GPHN: variants seen among roughly 807,000 people sequenced by gnomAD.
GPHN encodes the protein gephyrin.
Under a neutral mutation model 95.5 loss-of-function variants are expected in GPHN, and 17 were observed. The observed-to-expected ratio is 0.18, with a 90% CI of 0.12 to 0.27. GPHN has a LOEUF of 0.27. Among genes scored for constraint, GPHN ranks in the 10% least tolerant of loss-of-function variants. The pLI is 1.00. For missense variants in GPHN, 660 were observed against 978.1 expected, an observed-to-expected ratio of 0.67 and a Z score of 4.34; for synonymous variants, 320 against 322.5, an observed-to-expected ratio of 0.99 and a Z score of 0.08.
At chr14:66,711,816 C>T (rs970390475) in intron 2 of GPHN, among the ~76,000 whole-genome samples, 2 of 151,912 alleles carry the variant, frequency 1.3e-5, no homozygotes, top group African/African-American at 2.4e-5. Context: ...GTTCAATTCC[C>T]ACCTATCAGT....
rs954849993 is a variant in GPHN at position 66,773,385 on chromosome 14, G to A, written c.144-3079G>A. The stretch of plus-strand genomic sequence containing the variant: ...TTTTTTTTTTTTGAGACGGAGCCTC[G>A]CTCTATTGCTCAGGCTGGGTTTCAA... On this transcript the variant is annotated intron_variant, in intron 2 of 22. Transcript: ENST00000478722. Among the ~76,000 whole-genome samples the A allele has an allele frequency of 5.2e-5, 7 of 134,396 alleles. No individual in the cohort carries two copies. In the South Asian group the frequency reaches 9.4e-4, roughly 18 times the overall value. 88.2% of individuals were successfully genotyped at this position (134,396 alleles called of 152,430 possible). A position where few individuals can be genotyped will look rare whatever the true frequency, so the allele number is the denominator to read the frequency against.
At chr14:67,238,766 C>T in the GPHN span, among the ~76,000 whole-genome samples, 3 of 152,078 alleles carry the variant, frequency 2.0e-5, no homozygotes, top group Non-Finnish European at 4.4e-5. Context: ...GCCTCAGCCT[C>T]CCAAGTAGCT....
the GPHN span, chr14:67,294,709 GT>G: frequency 2.0e-5 from 3 of 150,752 alleles, no homozygotes; most frequent in Admixed American, 1.3e-4. Context: ...GTCTTGCACT[GT>G]TGCCCAGGCT....
intron 9 of GPHN, among the ~76,000 whole-genome samples, chr14:66,977,889 A>G (rs1035600524): frequency 6.6e-6 from 1 of 152,182 alleles, no homozygotes; most frequent in South Asian, 2.1e-4. Context: ...AATAAAGCCA[A>G]CTAGAGTTAT....
intron 9 of GPHN, among the ~76,000 whole-genome samples, chr14:67,005,980 G>A (rs1416497066): frequency 6.6e-6 from 1 of 150,846 alleles, no homozygotes; most frequent in Non-Finnish European, 1.5e-5. Flanking sequence ...ATTTTAAGAG[G>A]AAAAAAAGAA....
intron 8 of GPHN, among the ~76,000 whole-genome samples, chr14:66,936,194 C>T (rs560298880): frequency 6.6e-6 from 1 of 152,174 alleles, no homozygotes; most frequent in Admixed American, 6.5e-5. Context: ...GCCTAGCCAA[C>T]ATAGTGAAAT....
At chr14:67,592,269 T>C in the GPHN span, 1 of 400,190 alleles carries the variant, frequency 2.5e-6, no homozygotes, top group Non-Finnish European at 4.8e-6. Flanking sequence ...ACCTCATCTC[T>C]ACTAAAAATA....
rs569577475 is a variant in GPHN, at chr14:66,678,195, A to G, written c.65-2912A>G. ...AATAAGTTTTCTATGCCTTTTCTAC[A>G]CTCATTTCCTTCTATAATTCACAAA... On this transcript the variant is annotated intron_variant, in intron 1 of 22. Coordinates refer to ENST00000478722, the MANE Select transcript of GPHN (RefSeq NM_020806.5). Among the ~76,000 whole-genome samples the G allele has an allele frequency of 4.6e-4, 70 of 152,094 alleles. 1 individual carries two copies. The South Asian group carries it at 0.014, about 30-fold the overall frequency.
chr14:67,348,671 GC>G, the GPHN span, among the ~76,000 whole-genome samples: 6 of 150,838 alleles, frequency 4.0e-5, no homozygotes, highest in African/African-American at 1.5e-4. Context: ...ACAGGCGCGT[GC>G]CACCAAACCT....
At chr14:66,699,581 G>A (rs1420154949) in intron 2 of GPHN, among the ~76,000 whole-genome samples, 1 of 152,152 alleles carries the variant, frequency 6.6e-6, no homozygotes, top group African/African-American at 2.4e-5. Context: ...TCAGGTCAAT[G>A]TGGAAGATGT....
chr14:67,725,110 T>C, the GPHN span: 2 of 1,614,064 alleles, frequency 1.2e-6, no homozygotes, highest in Admixed American at 1.7e-5. Flanking sequence ...AGCCCGAGTC[T>C]ATATTGCCTG....
the GPHN span, among the ~76,000 whole-genome samples, chr14:67,654,885 C>A: frequency 0.015 from 2,295 of 151,770 alleles, 71 homozygotes; most frequent in African/African-American, 0.052. Flanking sequence ...AAAAATTAGC[C>A]GGGTGTGGTG....
intron 1 of GPHN, among the ~76,000 whole-genome samples, chr14:66,632,252 G>A (rs2063846552): frequency 6.6e-6 from 1 of 152,104 alleles, no homozygotes; most frequent in Non-Finnish European, 1.5e-5. Flanking sequence ...TAGTTCCCCT[G>A]TAGGTATATG....
At chr14:67,207,517 T>A in the GPHN span, among the ~76,000 whole-genome samples, 3 of 150,528 alleles carry the variant, frequency 2.0e-5, no homozygotes, top group South Asian at 6.3e-4. Flanking sequence ...CATTTCAACA[T>A]GAGATTTTCA....
At chr14:66,759,522 A>T (rs1346630045) in intron 2 of GPHN, among the ~76,000 whole-genome samples, 1 of 152,268 alleles carries the variant, frequency 6.6e-6, no homozygotes, top group African/African-American at 2.4e-5. Flanking sequence ...GTTGGTTTAA[A>T]GTCTTTTTTA....
At chr14:67,131,639 C>A (rs993551206) in intron 17 of GPHN, among the ~76,000 whole-genome samples, 2 of 152,062 alleles carry the variant, frequency 1.3e-5, no homozygotes, top group African/African-American at 4.8e-5. Context: ...TTTTATATTT[C>A]TGAAGAAAAG....
At chr14:67,196,005 C>T in the GPHN span, among the ~76,000 whole-genome samples, 41 of 151,990 alleles carry the variant, frequency 2.7e-4, no homozygotes, top group Non-Finnish European at 5.3e-4. Context: ...AGGCTGTTCT[C>T]GAACTCCTGA....
the GPHN span, among the ~76,000 whole-genome samples, chr14:67,379,660 T>C: frequency 2.2e-5 from 3 of 135,192 alleles, no homozygotes; most frequent in Non-Finnish European, 3.0e-5. Flanking sequence ...TTTTCTTTTT[T>C]TTTTTTTTTT....
At chr14:66,555,434 G>A (rs950132642) in intron 1 of GPHN, among the ~76,000 whole-genome samples, 2 of 152,030 alleles carry the variant, frequency 1.3e-5, no homozygotes, top group Non-Finnish European at 1.5e-5. Flanking sequence ...AATGTGTGGC[G>A]TATGGTAGGT....
Sources: gnomAD v4.1 joint callset for allele counts (sites outside exome capture counted in the v4.1 genomes callset) on GRCh38, gnomAD v4.1.1 for gene constraint, MANE v1.5 for transcripts, NCBI Gene and HGNC (gene_info 2026-07-23, HGNC 2026-07-21) for gene names.